Variants in TRHDE observed in about 807,000 individuals in gnomAD.
TRHDE encodes thyrotropin releasing hormone degrading enzyme, also known as thyrotropin-releasing hormone-degrading ectoenzyme.
TRHDE carries 72 observed loss-of-function variants against 125.7 expected under a neutral mutation model. The ratio of observed to expected loss-of-function variants is 0.57; its 90% confidence interval spans 0.47 to 0.70. The LOEUF is 0.70. Ranked by LOEUF, TRHDE falls within the 30% of genes least tolerant of loss-of-function variation. The pLI is 0.00. For synonymous variants in TRHDE, 509 were observed against 509.1 expected, an observed-to-expected ratio of 1.00 and a Z score of 0.00; for missense variants, 1,110 against 1,327.1, an observed-to-expected ratio of 0.84 and a Z score of 2.54.
At chr12:72,581,874 G>T (rs1046251468) in intron 12 of TRHDE, among the ~76,000 whole-genome samples, 7 of 151,950 alleles carry the variant, frequency 4.6e-5, no homozygotes, top group Middle Eastern at 3.4e-3. Context: ...AGGCCGAGGT[G>T]GGCAGATCAC....
intron 12 of TRHDE, among the ~76,000 whole-genome samples, chr12:72,590,071 A>G (rs938043171): frequency 1.3e-5 from 2 of 152,032 alleles, no homozygotes; most frequent in East Asian, 1.9e-4. Context: ...AAAATTTTAT[A>G]TATGGTATCA....
In TRHDE at chr12:72,151,501, T is replaced by G. The variant is rs1238875419; in HGVS notation, n.279+45749T>G. ...TATGTCCTGAATGGTATTGCCTAGG[T>G]TTTCTTCTAGGGTTTTTATGGTTTT... is the stretch of plus-strand genomic sequence containing the variant. On this transcript the variant is annotated intron_variant and non_coding_transcript_variant, in intron 2 of 4. Transcript: ENST00000548156. Among the ~76,000 whole-genome samples, 159 of 152,184 alleles carry G rather than the reference T, an allele frequency of 1.0e-3. 2 individuals are homozygous for G. Among genetic ancestry groups the G allele is most frequent in the African/African-American group, 3.7e-3 (154 of 41,516 alleles).
intron 3 of TRHDE, among the ~76,000 whole-genome samples, chr12:72,387,736 G>A (rs1332734969): frequency 6.6e-6 from 1 of 152,050 alleles, no homozygotes; most frequent in Non-Finnish European, 1.5e-5. Context: ...CCCTCAGACT[G>A]TTCTCCTGGT....
intron 2 of TRHDE, among the ~76,000 whole-genome samples, chr12:72,349,250 A>G (rs1870471579): frequency 6.6e-6 from 1 of 152,106 alleles, no homozygotes; most frequent in Non-Finnish European, 1.5e-5. Context: ...GCTCATACAA[A>G]TATTCTGAAT....
At chr12:72,149,886 G>T (rs1592459260) in intron 2 of TRHDE, among the ~76,000 whole-genome samples, 1 of 152,202 alleles carries the variant, frequency 6.6e-6, no homozygotes, top group East Asian at 1.9e-4. Flanking sequence ...TGGTTGCAAA[G>T]AGTTCCACTA....
chr12:72,604,513 T>C (rs1872348414), intron 12 of TRHDE, among the ~76,000 whole-genome samples: 1 of 152,214 alleles, frequency 6.6e-6, no homozygotes, highest in East Asian at 1.9e-4. Context: ...TGACTCTTAT[T>C]AAGATTCCAG....
chr12:72,132,245 T>G (rs1875881626), intron 2 of TRHDE, among the ~76,000 whole-genome samples: 1 of 152,102 alleles, frequency 6.6e-6, no homozygotes, highest in African/African-American at 2.4e-5. Context: ...GCTAGCTGGC[T>G]GTCTCTAGTA....
intron 2 of TRHDE, among the ~76,000 whole-genome samples, chr12:72,364,984 A>T (rs1023937396): frequency 1.3e-5 from 2 of 152,074 alleles, no homozygotes; most frequent in African/African-American, 4.8e-5. Flanking sequence ...TCTACAAAAG[A>T]GGTAGTCTGT....
At chr12:72,353,085 T>G (rs763126828) in intron 2 of TRHDE, among the ~76,000 whole-genome samples, 1 of 151,698 alleles carries the variant, frequency 6.6e-6, no homozygotes, top group Non-Finnish European at 1.5e-5. Flanking sequence ...CCCACACTTG[T>G]AGATTTGTCT....
chr12:72,327,093 C>A (rs1245811331), intron 2 of TRHDE, among the ~76,000 whole-genome samples: 1 of 151,338 alleles, frequency 6.6e-6, no homozygotes, highest in African/African-American at 2.4e-5. Context: ...GGTGTGACTT[C>A]CTTGTGAGAA....
At chr12:72,295,092 CGCAGCTGTGGTTTGGGTGACT>C (rs1412726604) in intron 2 of TRHDE, among the ~76,000 whole-genome samples, 3 of 140,016 alleles carry the variant, frequency 2.1e-5, no homozygotes, top group East Asian at 4.3e-4. Context: ...TTTGGGTGAC[CGCAGCTGTGGTTTGGGTGACT>C]GCAGCTGTGG....
chr12:72,201,323 G>C (rs1354333492), intron 2 of TRHDE, among the ~76,000 whole-genome samples: 1 of 152,024 alleles, frequency 6.6e-6, no homozygotes, highest in African/African-American at 2.4e-5. Flanking sequence ...TTTTTTTTGG[G>C]AAAATTTTAG....
intron 10 of TRHDE, among the ~76,000 whole-genome samples, chr12:72,571,091 A>AT (rs74408847): frequency 2.0e-5 from 3 of 151,970 alleles, no homozygotes; most frequent in Non-Finnish European, 4.4e-5. Context: ...ATTGTATTAA[A>AT]TTTTTTTTAT....
chr12:72,470,022 A>G, intron 4 of TRHDE, 110 bp downstream of exon 4: 2 of 1,080,664 alleles, frequency 1.9e-6, no homozygotes, highest in Middle Eastern at 2.7e-4. Context: ...TTTTAATTTT[A>G]TATGGAGCAC....
At position 72,336,464 on chromosome 12, in the gene TRHDE, A is replaced by G. The variant is rs79259946; in HGVS notation, c.1189-41531A>G. On this transcript the variant is annotated intron_variant, in intron 2 of 18. Transcript: ENST00000261180. The stretch of plus-strand genomic sequence containing the variant: ...GCCTTTCAGGATGGGTTAGCTGCCT[A>G]TGGCATGTCAACATGTTGCATTTAG... Among the ~76,000 whole-genome samples, 677 of 152,268 alleles carry G rather than the reference A, an allele frequency of 4.4e-3. 4 individuals carry two copies. The highest frequency in any genetic ancestry group is 0.015 in the African/African-American group (644 of 41,556).
At chr12:72,259,711 G>A (rs1878903488) in intron 2 of TRHDE, among the ~76,000 whole-genome samples, 1 of 152,054 alleles carries the variant, frequency 6.6e-6, no homozygotes, top group African/African-American at 2.4e-5. Context: ...TCCCTGTGTG[G>A]AGCCAAGCAT....
intron 2 of TRHDE, among the ~76,000 whole-genome samples, chr12:72,206,771 G>C (rs1320182286): frequency 6.6e-6 from 1 of 151,804 alleles, no homozygotes; most frequent in Non-Finnish European, 1.5e-5. Context: ...ATATTGCTTT[G>C]TGTGTAATAG....
intron 6 of TRHDE, among the ~76,000 whole-genome samples, chr12:72,512,095 C>T (rs1335446199): frequency 6.6e-6 from 1 of 152,018 alleles, no homozygotes; most frequent in Non-Finnish European, 1.5e-5. Flanking sequence ...TGACTCTATT[C>T]TTCTGCTTTC....
chr12:72,326,287 G>A (rs1442690070), intron 2 of TRHDE, among the ~76,000 whole-genome samples: 2 of 152,028 alleles, frequency 1.3e-5, no homozygotes, highest in East Asian at 1.9e-4. Flanking sequence ...AAATAATAGT[G>A]TTTGGACAGG....
Sources: allele counts gnomAD v4.1 joint callset (sites outside exome capture counted in the v4.1 genomes callset), GRCh38; gene constraint gnomAD v4.1.1; transcripts MANE v1.5; gene names NCBI Gene and HGNC (gene_info 2026-07-23, HGNC 2026-07-21).